ESRRG: variants seen among roughly 807,000 people sequenced by gnomAD.
ESRRG encodes the protein estrogen-related receptor gamma.
ESRRG carries 13 observed loss-of-function variants against 44.0 expected under a neutral mutation model. The observed-to-expected ratio is 0.30, with a 90% CI of 0.19 to 0.47. ESRRG has a LOEUF of 0.47. ESRRG is among the 20% of genes least tolerant of loss of function. The probability of loss-of-function intolerance (pLI) is 1.00; values close to 1 mark genes in which losing one functional copy is unlikely to be tolerated. For missense variants in ESRRG, 395 were observed against 580.6 expected (o/e 0.68, Z 3.29); for synonymous variants, 215 against 214.6 (o/e 1.00, Z -0.02).
At chr1:216,757,349 T>C (rs904603971) in intron 2 of ESRRG, among the ~76,000 whole-genome samples, 19 of 152,140 alleles carry the variant, frequency 1.2e-4, no homozygotes, top group African/African-American at 4.1e-4. Context: ...CACAATGAAG[T>C]GTAAAACTGC....
chr1:216,993,017 T>C (rs980906484), intron 1 of ESRRG, among the ~76,000 whole-genome samples: 2 of 152,178 alleles, frequency 1.3e-5, no homozygotes, highest in African/African-American at 2.4e-5. Context: ...TTTGTTTCAA[T>C]TGTTTACTAG....
At chr1:216,570,913 A>T (rs1197427999) in intron 3 of ESRRG, among the ~76,000 whole-genome samples, 1 of 152,202 alleles carries the variant, frequency 6.6e-6, no homozygotes, top group Non-Finnish European at 1.5e-5. Context: ...TATTGAACAA[A>T]ACACTACATA....
At chr1:216,906,971 T>C (rs60647584) in intron 2 of ESRRG, among the ~76,000 whole-genome samples, 12,851 of 152,254 alleles carry the variant, frequency 0.084, 821 homozygotes, top group East Asian at 0.2. Context: ...TGCACATGTG[T>C]ATATATTTGT....
At chr1:217,010,507 T>A (rs2078407615) in intron 1 of ESRRG, among the ~76,000 whole-genome samples, 1 of 152,180 alleles carries the variant, frequency 6.6e-6, no homozygotes, top group Non-Finnish European at 1.5e-5. Flanking sequence ...CTGGCTCTGA[T>A]TACCATTGTG....
chr1:216,602,544 T>C (rs1558752541), intron 3 of ESRRG, among the ~76,000 whole-genome samples: 1 of 152,182 alleles, frequency 6.6e-6, no homozygotes, highest in Admixed American at 6.5e-5. Flanking sequence ...CAGCCTGACC[T>C]GGAACACTTT....
rs1241535319 is a variant in ESRRG, at chr1:216,912,216, G to A, written c.-14+27366C>T. Among the ~76,000 whole-genome samples the A allele has an allele frequency of 5.9e-3, 62 of 10,490 alleles. 9 individuals are homozygous for A. The highest frequency in any genetic ancestry group is 0.05 in the Admixed American group (36 of 726). 6.9% of individuals were successfully genotyped at this position (10,490 alleles called of 152,430 possible). Reference sequence around the variant, plus strand: ...GAGAGGAGAGGAGAGGAGAGGAGAGGAGAGGAGAGGAGAGGAGAGGAGAGG... The same window carrying A: ...GAGAGGAGAGGAGAGGAGAGGAGAGAAGAGGAGAGGAGAGGAGAGGAGAGG... On this transcript the variant is annotated intron_variant, in intron 2 of 7. Coordinates refer to the ESRRG transcript ENST00000359162.
intron 3 of ESRRG, among the ~76,000 whole-genome samples, chr1:216,649,589 A>G (rs2151032815): frequency 6.6e-6 from 1 of 152,128 alleles, no homozygotes; most frequent in East Asian, 1.9e-4. Flanking sequence ...GTTCTTATAT[A>G]TATATTTACT....
intron 1 of ESRRG, among the ~76,000 whole-genome samples, chr1:216,973,681 C>G (rs1026409145): frequency 3.9e-5 from 6 of 151,992 alleles, no homozygotes; most frequent in Non-Finnish European, 8.8e-5. Flanking sequence ...ACAAAATTAG[C>G]TGGGTGTGGC....
chr1:217,128,429 C>T (rs1047002619), intron 1 of ESRRG, among the ~76,000 whole-genome samples: 9 of 152,174 alleles, frequency 5.9e-5, no homozygotes, highest in African/African-American at 1.7e-4. Context: ...ACAAGCATGT[C>T]ATCTGACTAC....
chr1:216,821,577 C>T (rs1230191338), intron 2 of ESRRG, among the ~76,000 whole-genome samples: 1 of 150,802 alleles, frequency 6.6e-6, no homozygotes, highest in Non-Finnish European at 1.5e-5. Context: ...CCCAGCTACT[C>T]AGGAGGCTGA....
chr1:216,539,142 C>A (rs2051900947), intron 5 of ESRRG, among the ~76,000 whole-genome samples: 1 of 151,880 alleles, frequency 6.6e-6, no homozygotes, highest in Non-Finnish European at 1.5e-5. Context: ...AACTTCAGAT[C>A]TTTGGAGGGA....
intron 2 of ESRRG, among the ~76,000 whole-genome samples, chr1:216,820,927 A>C (rs1348740970): frequency 6.6e-6 from 1 of 152,214 alleles, no homozygotes; most frequent in Non-Finnish European, 1.5e-5. Flanking sequence ...TTATGGTTGC[A>C]CGAACTTTGC....
chr1:216,780,226 T>C (rs1200846533), intron 2 of ESRRG, among the ~76,000 whole-genome samples: 1 of 151,994 alleles, frequency 6.6e-6, no homozygotes, highest in Non-Finnish European at 1.5e-5. Flanking sequence ...CATTATGGAT[T>C]CCAAGCTTAA....
intron 1 of ESRRG, among the ~76,000 whole-genome samples, chr1:217,074,130 C>T (rs1350871843): frequency 6.6e-6 from 1 of 151,634 alleles, no homozygotes; most frequent in Non-Finnish European, 1.5e-5. Context: ...TCACTGCAAC[C>T]TCCACCTCCC....
intron 3 of ESRRG, among the ~76,000 whole-genome samples, chr1:216,649,763 T>C (rs1178636469): frequency 6.6e-6 from 1 of 152,144 alleles, no homozygotes; most frequent in South Asian, 2.1e-4. Context: ...AAATACAATG[T>C]GAATTCCATA....
At chr1:216,971,457 G>A (rs2071643209) in intron 1 of ESRRG, among the ~76,000 whole-genome samples, 1 of 152,106 alleles carries the variant, frequency 6.6e-6, no homozygotes, top group African/African-American at 2.4e-5. Context: ...CATTCCAAAG[G>A]CAAAATTCGT....
At chr1:216,698,361 C>CA (rs368241043) in intron 1 of ESRRG, among the ~76,000 whole-genome samples, 102 of 150,970 alleles carry the variant, frequency 6.8e-4, no homozygotes, top group Non-Finnish European at 1.0e-3. Flanking sequence ...ACTAAAAATA[C>CA]AAAAAAAATT....
At chr1:216,741,245 T>G (rs2152226868) in intron 2 of ESRRG, among the ~76,000 whole-genome samples, 1 of 138,206 alleles carries the variant, frequency 7.2e-6, no homozygotes, top group South Asian at 2.2e-4. Context: ...ATAATTTATA[T>G]TATATAATTT....
At chr1:216,593,892 A>G (rs2058061180) in intron 3 of ESRRG, among the ~76,000 whole-genome samples, 2 of 152,080 alleles carry the variant, frequency 1.3e-5, no homozygotes, top group African/African-American at 4.8e-5. Flanking sequence ...CAACATGCCC[A>G]GCTAAATTTT....
Sources: allele counts gnomAD v4.1 joint callset (sites outside exome capture counted in the v4.1 genomes callset), GRCh38; gene constraint gnomAD v4.1.1; transcripts MANE v1.5; gene names NCBI Gene and HGNC (gene_info 2026-07-23, HGNC 2026-07-21).